CD2AP: variants seen among roughly 807,000 people sequenced by gnomAD.
CD2AP encodes CD2-associated protein.
CD2AP carries 46 observed loss-of-function variants against 85.1 expected under a neutral mutation model. The observed-to-expected ratio is 0.54, with a 90% CI of 0.43 to 0.69. The LOEUF (loss-of-function observed/expected upper bound fraction) is 0.69, where lower values mean the gene tolerates loss of function less well. Ranked by LOEUF, CD2AP falls within the 30% of genes least tolerant of loss-of-function variation. CD2AP has a pLI of 0.00. For synonymous variants in CD2AP, 255 were observed against 252.9 expected (o/e 1.01, Z -0.08); for missense variants, 769 against 729.5 (o/e 1.05, Z -0.62).
intron 2 of CD2AP, among the ~76,000 whole-genome samples, chr6:47,528,602 G>T (rs1327319157): frequency 6.6e-6 from 1 of 152,150 alleles, no homozygotes; most frequent in Non-Finnish European, 1.5e-5. Flanking sequence ...GTATTTTAGT[G>T]CCTACTTGGT....
chr6:47,608,132 C>A, intron 15 of CD2AP, 104 bp downstream of exon 15: 1 of 810,114 alleles, frequency 1.2e-6, no homozygotes, highest in Non-Finnish European at 2.1e-6. Flanking sequence ...ATTTTTTCTG[C>A]CAAGAAATGA....
At chr6:47,517,579 C>T (rs147861711) in intron 2 of CD2AP, among the ~76,000 whole-genome samples, 268 of 152,172 alleles carry the variant, frequency 1.8e-3, no homozygotes, top group African/African-American at 6.1e-3. Context: ...CCTAAGCCAC[C>T]GCGCCTGGCC....
intron 17 of CD2AP, among the ~76,000 whole-genome samples, chr6:47,621,577 T>C (rs1378819132): frequency 6.6e-6 from 1 of 152,236 alleles, no homozygotes; most frequent in Non-Finnish European, 1.5e-5. Flanking sequence ...TAGGGAGGGT[T>C]CCTTCTTTCT....
chr6:47,621,158 C>A (rs1582634189), intron 17 of CD2AP, among the ~76,000 whole-genome samples: 1 of 152,130 alleles, frequency 6.6e-6, no homozygotes. Flanking sequence ...TTTCCCCATT[C>A]TGTATTATGT....
intron 1 of CD2AP, among the ~76,000 whole-genome samples, chr6:47,487,487 G>A (rs999700517): frequency 3.3e-5 from 5 of 152,112 alleles, no homozygotes; most frequent in Non-Finnish European, 7.4e-5. Context: ...TCAGGAGATC[G>A]AGACCATCCT....
intron 4 of CD2AP, 104 bp downstream of exon 4, chr6:47,544,810 C>A: frequency 1.4e-6 from 1 of 728,412 alleles, no homozygotes; most frequent in South Asian, 1.6e-5. Context: ...GAACTGTTGT[C>A]ACTTTTTAAA....
At chr6:47,599,474 TAAAA>T (rs565450394) in intron 13 of CD2AP, 31 bp downstream of exon 13, 1 of 1,321,888 alleles carries the variant, frequency 7.6e-7, no homozygotes, top group East Asian at 2.9e-5. Flanking sequence ...GTGGTGCATT[TAAAA>T]AAAAAAATTG....
chr6:47,606,218 G>A lies in CD2AP; in HGVS notation c.1471G>A (p.Ala491Thr), dbSNP rs763364546. ...ASSENLLHLT[A>T]NRPKMPGRRL... Reference sequence around the variant, plus strand: ...CTCAGAAAACTTGCTTCATCTCACTGCAAATAGACCAAAGATGCCTGGAAG... The same window carrying A: ...CTCAGAAAACTTGCTTCATCTCACTACAAATAGACCAAAGATGCCTGGAAG... Residue 491 changes from alanine to threonine, a missense_variant, in exon 14 of 18, where the codon GCA becomes ACA. Coordinates refer to ENST00000359314, the MANE Select transcript of CD2AP (RefSeq NM_012120.3). 5.6e-6 allele frequency: 9 copies of A among 1,611,862 alleles called. No individual in the cohort carries two copies. The highest frequency in any genetic ancestry group is 7.6e-6 in the Non-Finnish European group (9 of 1,178,260).
chr6:47,546,987 C>G (rs1767381098), intron 4 of CD2AP, among the ~76,000 whole-genome samples: 1 of 152,280 alleles, frequency 6.6e-6, no homozygotes, highest in South Asian at 2.1e-4. Context: ...AGAGAATTCA[C>G]TACTACGAAG....
chr6:47,484,588 G>A (rs944435247), intron 1 of CD2AP, among the ~76,000 whole-genome samples: 4 of 152,084 alleles, frequency 2.6e-5, no homozygotes, highest in African/African-American at 4.8e-5. Context: ...TATTGTTATC[G>A]ATTTTTTCTT....
chr6:47,561,020 G>C (rs1767845987), intron 5 of CD2AP, among the ~76,000 whole-genome samples: 1 of 152,062 alleles, frequency 6.6e-6, no homozygotes, highest in Non-Finnish European at 1.5e-5. Flanking sequence ...AGAGGGTTCT[G>C]TTTTATTCAT....
Position 47,579,413 on chromosome 6 carries a change from G to A in CD2AP, c.932G>A (p.Gly311Asp). The change falls in exon 9 of 18, where the codon GGC (glycine) becomes GAC (aspartate). Residue 311 changes from glycine to aspartate, a missense_variant. By Grantham distance (94) the Gly-to-Asp change is moderately conservative. Transcript: ENST00000359314. The stretch of plus-strand genomic sequence containing the variant: ...ACTGGAGAAGCTGGCTGGTGGAGGG[G>A]CGAACTTAATGGTAAAGAAGGAGTA... ...KETGEAGWWR[G>D]ELNGKEGVFP... 6.2e-7 allele frequency: 1 copy of A among 1,612,850 alleles called. No individual in the cohort carries two copies. Among genetic ancestry groups the A allele is most frequent in the Non-Finnish European group, 8.5e-7 (1 of 1,178,886 alleles).
At chr6:47,580,815 T>C in intron 9 of CD2AP, 49 bp from the exon 10 acceptor site, 1 of 1,302,094 alleles carries the variant, frequency 7.7e-7, no homozygotes. Flanking sequence ...ATTTTAACTA[T>C]ATTTGATATG....
At chr6:47,612,666 C>CTACT in intron 17 of CD2AP, 130 bp downstream of exon 17, 2 of 687,402 alleles carry the variant, frequency 2.9e-6, no homozygotes, top group East Asian at 5.5e-5. Flanking sequence ...ACACAATGGA[C>CTACT]TACTATTCAG....
At chr6:47,609,513 C>CAAAA (rs10580796) in intron 16 of CD2AP, 3,638 of 141,476 alleles carry the variant, frequency 0.026, 104 homozygotes, top group Middle Eastern at 0.074. Flanking sequence ...CCCATCTTTG[C>CAAAA]AAAAAAAAAA....
chr6:47,571,886 G>A (rs958234462), intron 5 of CD2AP, among the ~76,000 whole-genome samples: 1 of 152,054 alleles, frequency 6.6e-6, no homozygotes, highest in African/African-American at 2.4e-5. Context: ...TCACACTAAT[G>A]TGCAAATAAC....
intron 1 of CD2AP, 138 bp downstream of exon 1, chr6:47,478,386 C>T (rs558578035): frequency 5.0e-6 from 5 of 1,004,932 alleles, no homozygotes; most frequent in African/African-American, 1.6e-5. Context: ...TTCTCCCCAC[C>T]GCCCCTTCTT....
chr6:47,610,129 C>T (rs1249792012), intron 16 of CD2AP, among the ~76,000 whole-genome samples: 2 of 152,112 alleles, frequency 1.3e-5, no homozygotes, highest in Non-Finnish European at 2.9e-5. Context: ...TTTACAAGAT[C>T]ACCTATTATA....
intron 7 of CD2AP, 121 bp from the exon 8 acceptor site, chr6:47,576,888 A>G (rs1418707039): frequency 1.3e-5 from 9 of 697,172 alleles, no homozygotes; most frequent in Admixed American, 2.3e-5. Context: ...TTTAAAATTT[A>G]AAGATAATTA....
Sources: gnomAD v4.1 joint callset for allele counts (sites outside exome capture counted in the v4.1 genomes callset) on GRCh38, gnomAD v4.1.1 for gene constraint, MANE v1.5 for transcripts, NCBI Gene and HGNC (gene_info 2026-07-23, HGNC 2026-07-21) for gene names.